STXBP3: variants seen among roughly 807,000 people sequenced by gnomAD.
The protein encoded by STXBP3 is syntaxin binding protein 3, also known as syntaxin-binding protein 3.
Under a neutral mutation model 85.7 loss-of-function variants are expected in STXBP3, and 41 were observed. That is an observed-to-expected ratio of 0.48 (90% CI 0.37 to 0.62). The LOEUF (loss-of-function observed/expected upper bound fraction) is 0.62, where lower values mean the gene tolerates loss of function less well. STXBP3 is among the 20% of genes least tolerant of loss of function. The pLI, the probability that STXBP3 is intolerant of heterozygous loss-of-function variation, is 0.00. For missense variants in STXBP3, 563 were observed against 703.1 expected (o/e 0.80, Z 2.25); for synonymous variants, 229 against 231.7 (o/e 0.99, Z 0.10).
At chr1:108,785,842 T>C (rs1438105979) in intron 11 of STXBP3, among the ~76,000 whole-genome samples, 4 of 152,192 alleles carry the variant, frequency 2.6e-5, no homozygotes, top group Non-Finnish European at 4.4e-5. Context: ...AGAGTCACCT[T>C]TGCTCTAGTT....
intron 6 of STXBP3, 120 bp from the exon 7 acceptor site, chr1:108,772,545 T>C (rs1662489759): frequency 3.4e-6 from 1 of 295,148 alleles, no homozygotes; most frequent in Admixed American, 6.1e-5. Context: ...CTATATAATA[T>C]ATAAATACAT....
intron 5 of STXBP3, among the ~76,000 whole-genome samples, chr1:108,758,817 AAACTATTCCC>A (rs1291988882): frequency 1.3e-5 from 2 of 152,242 alleles, no homozygotes; most frequent in Non-Finnish European, 2.9e-5. Flanking sequence ...AAATTAAAAG[AAACTATTCCC>A]AACTGCTTTC....
chr1:108,767,309 C>A, intron 6 of STXBP3: 1 of 231,722 alleles, frequency 4.3e-6, no homozygotes, highest in South Asian at 5.7e-5. Flanking sequence ...GTTCTTCAGC[C>A]AGTTTCCTAT....
chr1:108,757,697 C>T (rs562909541), intron 4 of STXBP3, among the ~76,000 whole-genome samples: 2 of 151,936 alleles, frequency 1.3e-5, no homozygotes, highest in South Asian at 4.1e-4. Context: ...TTGATACAGC[C>T]TTTTTGGAAA....
chr1:108,773,704 A>G (rs770739188), intron 7 of STXBP3, among the ~76,000 whole-genome samples: 10 of 152,090 alleles, frequency 6.6e-5, no homozygotes, highest in Non-Finnish European at 1.5e-4. Flanking sequence ...GGGACAATTT[A>G]GACATGCCAG....
Position 108,793,412 on chromosome 1 carries a change from C to T in STXBP3, c.964-170C>T, listed in dbSNP as rs371500065. ...GGGAGAGTAATGTTGATATCAGCTACGTTATTGTGAGTGAAACTGGAAGCC... is the reference window on the plus strand; with the variant it reads ...GGGAGAGTAATGTTGATATCAGCTATGTTATTGTGAGTGAAACTGGAAGCC... On this transcript the variant is annotated intron_variant, in intron 11 of 18. Transcript: ENST00000370008. 9.2e-5 allele frequency among the ~76,000 whole-genome samples: 14 copies of T among 151,952 alleles called. No individual in the cohort carries two copies. In the South Asian group the frequency reaches 1.2e-3, roughly 14 times the overall value.
intron 6 of STXBP3, among the ~76,000 whole-genome samples, chr1:108,771,722 CTATCTA>C (rs1303456358): frequency 8.3e-5 from 1 of 11,982 alleles, no homozygotes; most frequent in Admixed American, 9.2e-4. Context: ...TATATGATAT[CTATCTA>C]TATATATCAT....
Position 108,772,754 on chromosome 1 carries a change from A to G in STXBP3, c.528A>G (p.Thr176=), listed in dbSNP as rs779167464. 11 of 1,606,236 alleles carry G rather than the reference A, an allele frequency of 6.8e-6. No homozygotes were observed. Among genetic ancestry groups the G allele is most frequent in the Non-Finnish European group, 8.5e-6 (10 of 1,176,028 alleles). The change falls in exon 7 of 19, where the codon ACA becomes ACG. Residue 176 remains threonine (T), a synonymous_variant. Coordinates refer to ENST00000370008, the MANE Select transcript of STXBP3 (RefSeq NM_007269.4). The part of the protein sequence containing the change: ...NAKGKDAIME[T]MADQIVTVCA... ...AGGGAAAAGATGCCATTATGGAAAC[A>G]ATGGCTGACCAGATAGTTACAGTGT...
intron 8 of STXBP3, 72 bp downstream of exon 8, chr1:108,776,495 C>A: frequency 8.6e-7 from 1 of 1,157,874 alleles, no homozygotes; most frequent in Non-Finnish European, 1.2e-6. Flanking sequence ...AAGAAACTTG[C>A]TCATTCATTT....
At chr1:108,794,173 G>A (rs1001994625) in intron 12 of STXBP3, among the ~76,000 whole-genome samples, 1 of 152,094 alleles carries the variant, frequency 6.6e-6, no homozygotes, top group African/African-American at 2.4e-5. Context: ...GAACTTCTGG[G>A]TATTTTTCTC....
rs770989729 is a variant in STXBP3, at chr1:108,793,640, T to C, written c.1022T>C (p.Ile341Thr). Residue 341 changes from isoleucine to threonine, a missense_variant, in exon 12 of 19, where the codon ATT becomes ACT. Around this residue, in one of 3 missense-constraint regions of STXBP3, gnomAD observed 494 missense variants for 592.8 expected, o/e 0.83. Transcript: ENST00000370008. ...AAGATGCCCCATTTCCGAAAACAGA[T>C]TACTAAGGTAAGCAGTATTGTATAT... ...MKKMPHFRKQ[I>T]TKQVVHLNLA... The C allele has an allele frequency of 6.2e-7, 1 of 1,611,210 alleles. No individual in the cohort carries two copies. The highest frequency in any genetic ancestry group is 1.3e-5 in the African/African-American group (1 of 74,846).
At chr1:108,798,509 A>G (rs1434892228) in intron 16 of STXBP3, among the ~76,000 whole-genome samples, 1 of 144,054 alleles carries the variant, frequency 6.9e-6, no homozygotes, top group Non-Finnish European at 1.5e-5. Flanking sequence ...TTCGCCTCCC[A>G]GGTTCCAGCA....
intron 11 of STXBP3, among the ~76,000 whole-genome samples, chr1:108,787,264 C>G (rs1022271335): frequency 6.6e-6 from 1 of 152,062 alleles, no homozygotes; most frequent in Non-Finnish European, 1.5e-5. Flanking sequence ...ACCAGTGCAC[C>G]TAGCTGGATT....
At chr1:108,760,279 G>A (rs185304969) in intron 6 of STXBP3, among the ~76,000 whole-genome samples, 194 bp downstream of exon 6, 7 of 152,164 alleles carry the variant, frequency 4.6e-5, no homozygotes, top group Non-Finnish European at 8.8e-5. Flanking sequence ...GAATAGCAGG[G>A]CTTAAATTTC....
intron 3 of STXBP3, among the ~76,000 whole-genome samples, chr1:108,755,147 T>TA (rs1040818559): frequency 3.9e-4 from 59 of 151,850 alleles, no homozygotes; most frequent in African/African-American, 1.3e-3. Context: ...TATAAAACCT[T>TA]AAAAAAAATA....
rs561703862 is a variant in STXBP3, at chr1:108,796,104, T to G, written c.1111-130T>G. 2.0e-5 allele frequency: 16 copies of G among 819,724 alleles called. No homozygotes were observed. The African/African-American group carries it at 2.5e-4, about 13-fold the overall frequency. 50.8% of individuals were successfully genotyped at this position (819,724 alleles called of 1,614,324 possible). ...CTAGTCTCCAACTCCTGACCTCAGG[T>G]GATCTGCCTTGGCCTCCCAAAGTGC... On this transcript the variant is annotated intron_variant, in intron 13 of 18. Transcript: ENST00000370008.
intron 17 of STXBP3, among the ~76,000 whole-genome samples, chr1:108,801,796 G>T (rs148464152): frequency 1.3e-5 from 2 of 151,816 alleles, no homozygotes; most frequent in African/African-American, 4.8e-5. Context: ...AGCCTCCCAG[G>T]TAGCTAAGGT....
At chr1:108,791,913 T>A (rs927750239) in intron 11 of STXBP3, among the ~76,000 whole-genome samples, 1 of 152,196 alleles carries the variant, frequency 6.6e-6, no homozygotes, top group African/African-American at 2.4e-5. Flanking sequence ...TATGGCTCTT[T>A]TCATTTAGCA....
chr1:108,800,364 T>C (rs1226631145), intron 17 of STXBP3, 59 bp downstream of exon 17: 7 of 1,310,302 alleles, frequency 5.3e-6, no homozygotes, highest in Admixed American at 3.5e-5. Flanking sequence ...TAATTTAAAA[T>C]GGTACACAGA....
Sources: gnomAD v4.1 joint callset for allele counts (sites outside exome capture counted in the v4.1 genomes callset) on GRCh38, gnomAD v4.1.1 for gene constraint, gnomAD v4.1.1 regional missense constraint, MANE v1.5 for transcripts, NCBI Gene and HGNC (gene_info 2026-07-23, HGNC 2026-07-21) for gene names.